The following SPATA16 variants were observed in gnomAD, a reference collection of about 807,000 sequenced individuals.
The protein encoded by SPATA16 is spermatogenesis associated 16, also known as spermatogenesis-associated protein 16.
In SPATA16, 36 loss-of-function variants were observed where a neutral mutation model predicts 63.3. The observed-to-expected ratio is 0.57, with a 90% CI of 0.44 to 0.75. The LOEUF is 0.75. SPATA16 is among the 30% of genes least tolerant of loss of function. SPATA16 has a pLI of 0.00. For missense variants in SPATA16, 646 were observed against 679.3 expected, an observed-to-expected ratio of 0.95 and a Z score of 0.54; for synonymous variants, 203 against 216.7, an observed-to-expected ratio of 0.94 and a Z score of 0.56.
chr3:173,055,682 G>A (rs923525171), intron 2 of SPATA16, among the ~76,000 whole-genome samples: 1 of 152,164 alleles, frequency 6.6e-6, no homozygotes, highest in African/African-American at 2.4e-5. Flanking sequence ...AATTTGGTAG[G>A]TGGATATGCA....
intron 1 of SPATA16, among the ~76,000 whole-genome samples, chr3:173,131,676 C>G (rs1334895214): frequency 6.6e-6 from 1 of 152,126 alleles, no homozygotes; most frequent in Admixed American, 6.5e-5. Context: ...AGACAAGGAT[C>G]CACAGGAGAA....
intron 10 of SPATA16, among the ~76,000 whole-genome samples, chr3:172,896,961 ATTTATAAACT>A (rs1448758401): frequency 6.6e-6 from 1 of 151,802 alleles, no homozygotes; most frequent in East Asian, 1.9e-4. Flanking sequence ...ATGAAGTCTA[ATTTATAAACT>A]TTTATGGATT....
chr3:173,124,317 A>G (rs2108342678), intron 1 of SPATA16, among the ~76,000 whole-genome samples: 1 of 152,342 alleles, frequency 6.6e-6, no homozygotes, highest in Middle Eastern at 3.4e-3. Context: ...CCTTCTCTGG[A>G]AATTGGGAAT....
At chr3:173,120,407 T>G (rs1738030606) in intron 1 of SPATA16, among the ~76,000 whole-genome samples, 1 of 152,204 alleles carries the variant, frequency 6.6e-6, no homozygotes, top group Non-Finnish European at 1.5e-5. Context: ...TGGTTCATTT[T>G]AATCCACAGT....
chr3:173,002,418 C>G (rs1471610456), intron 4 of SPATA16, among the ~76,000 whole-genome samples: 1 of 152,152 alleles, frequency 6.6e-6, no homozygotes, highest in African/African-American at 2.4e-5. Context: ...AAACAACATG[C>G]TCAGTGAAAG....
rs181788746 is a variant in SPATA16, at chr3:172,906,853, T to C, written c.1587+6808A>G. Among the ~76,000 whole-genome samples, 16 of 152,288 alleles carry C rather than the reference T, an allele frequency of 1.1e-4. No homozygotes were observed. In the East Asian group the frequency reaches 3.1e-3, roughly 29 times the overall value. ...GCTTCCGGGGTTCAAGCAATTCTCC[T>C]GCCTCAGCCTCCCCAGTAGCTGGGA... On this transcript the variant is annotated intron_variant, in intron 10 of 10. Coordinates refer to ENST00000351008, the MANE Select transcript of SPATA16 (RefSeq NM_031955.6).
chr3:173,001,268 G>T (rs1032849982), intron 4 of SPATA16, among the ~76,000 whole-genome samples: 13 of 137,584 alleles, frequency 9.4e-5, no homozygotes, highest in Non-Finnish European at 1.1e-4. Context: ...CTTCTCAGTT[G>T]TTTTTTTTTT....
chr3:173,127,540 T>C (rs921033447), intron 1 of SPATA16, among the ~76,000 whole-genome samples: 4 of 152,228 alleles, frequency 2.6e-5, no homozygotes, highest in African/African-American at 7.2e-5. Flanking sequence ...CTATCTTCCT[T>C]GACATTGCCA....
chr3:173,109,149 T>C (rs912966531), intron 2 of SPATA16, among the ~76,000 whole-genome samples: 4 of 152,310 alleles, frequency 2.6e-5, no homozygotes, highest in Middle Eastern at 6.8e-3. Context: ...ATCTAAGTAA[T>C]GGGAAAACTC....
chr3:172,981,046 AT>A (rs1239315579), intron 4 of SPATA16, among the ~76,000 whole-genome samples: 6 of 151,942 alleles, frequency 3.9e-5, no homozygotes, highest in Non-Finnish European at 4.4e-5. Context: ...TTCAGTCTTC[AT>A]TTTCTATACA....
At chr3:173,118,975 G>C (rs1404839110) in intron 1 of SPATA16, among the ~76,000 whole-genome samples, 1 of 152,154 alleles carries the variant, frequency 6.6e-6, no homozygotes, top group Non-Finnish European at 1.5e-5. Context: ...TAAAAATCGT[G>C]AGTCACTTCT....
chr3:173,109,909 C>T (rs1276454239), intron 2 of SPATA16, among the ~76,000 whole-genome samples: 1 of 152,038 alleles, frequency 6.6e-6, no homozygotes, highest in African/African-American at 2.4e-5. Flanking sequence ...TATTAACACA[C>T]TTTTTTCTTA....
rs181196267 is a variant in SPATA16 at position 173,042,275 on chromosome 3, G to A, written c.758+6674C>T. On this transcript the variant is annotated intron_variant, in intron 3 of 10. Coordinates refer to ENST00000351008, the MANE Select transcript of SPATA16 (RefSeq NM_031955.6). Reference sequence around the variant, plus strand: ...CGCTCTGTCTCGCCCAGGCTGGAGTGCAGTGGTGTCATCTTGGTTCACTGT... The same window carrying A: ...CGCTCTGTCTCGCCCAGGCTGGAGTACAGTGGTGTCATCTTGGTTCACTGT... Among the ~76,000 whole-genome samples, 3 of 152,212 alleles carry A rather than the reference G, an allele frequency of 2.0e-5. No individual in the cohort carries two copies. In the East Asian group the frequency reaches 5.8e-4, roughly 29 times the overall value.
chr3:173,078,365 T>G (rs1736851786), intron 2 of SPATA16, among the ~76,000 whole-genome samples: 1 of 152,138 alleles, frequency 6.6e-6, no homozygotes, highest in Non-Finnish European at 1.5e-5. Flanking sequence ...GGAATCTGAC[T>G]CTTAACGGTC....
intron 2 of SPATA16, among the ~76,000 whole-genome samples, chr3:173,093,191 C>T: frequency 6.6e-6 from 1 of 151,848 alleles, no homozygotes; most frequent in East Asian, 1.9e-4. Flanking sequence ...TTAAAATGTT[C>T]TTTAAATGAA....
At chr3:173,027,173 C>T (rs959141758) in intron 3 of SPATA16, among the ~76,000 whole-genome samples, 1 of 151,816 alleles carries the variant, frequency 6.6e-6, no homozygotes, top group African/African-American at 2.4e-5. Context: ...TTTTGTTGCT[C>T]TTATAATTGG....
At chr3:173,099,844 A>C (rs1006320733) in intron 2 of SPATA16, among the ~76,000 whole-genome samples, 1 of 152,162 alleles carries the variant, frequency 6.6e-6, no homozygotes, top group Admixed American at 6.5e-5. Flanking sequence ...ATTCCATCAC[A>C]GGCACCTACG....
At chr3:173,039,180 C>G (rs1381537041) in intron 3 of SPATA16, among the ~76,000 whole-genome samples, 1 of 151,816 alleles carries the variant, frequency 6.6e-6, no homozygotes, top group African/African-American at 2.4e-5. Flanking sequence ...CTTTTAATGC[C>G]CCAGTGAGAA....
intron 2 of SPATA16, among the ~76,000 whole-genome samples, chr3:173,071,283 T>C (rs1185621661): frequency 6.6e-6 from 1 of 152,208 alleles, no homozygotes; most frequent in Non-Finnish European, 1.5e-5. Flanking sequence ...ATTAGACTCC[T>C]ATCTCTTGCC....
Sources: gnomAD v4.1 joint callset for allele counts (sites outside exome capture counted in the v4.1 genomes callset) on GRCh38, gnomAD v4.1.1 for gene constraint, MANE v1.5 for transcripts, NCBI Gene and HGNC (gene_info 2026-07-23, HGNC 2026-07-21) for gene names.